Variants in LRIG1 observed in about 807,000 individuals in gnomAD.
LRIG1 encodes leucine rich repeats and immunoglobulin like domains 1.
A neutral mutation model predicts 99.2 loss-of-function variants in LRIG1; 48 were observed. The observed-to-expected ratio is 0.48, with a 90% CI of 0.38 to 0.62. The LOEUF is 0.62. LRIG1 is among the 20% of genes least tolerant of loss of function. The pLI, the probability that LRIG1 is intolerant of heterozygous loss-of-function variation, is 0.00. For missense variants in LRIG1, 1,646 were observed against 1,434.4 expected (o/e 1.15, Z -2.38); for synonymous variants, 772 against 596.1 (o/e 1.29, Z -4.30).
chr3:66,417,131 C>T lies in LRIG1; in HGVS notation c.501G>A (p.Glu167=), dbSNP rs368155932. 4 of 1,613,994 alleles carry T rather than the reference C, an allele frequency of 2.5e-6. No individual in the cohort carries two copies. The highest frequency in any genetic ancestry group is 2.5e-6 in the Non-Finnish European group (3 of 1,179,874). The change falls in exon 4 of 19, where the codon GAG becomes GAA. Residue 167 remains glutamate (E), a splice_region_variant and synonymous_variant. Transcript: ENST00000273261. ...TCFPHGPPIK[E]LNLAGNRIGT... is the part of the protein sequence containing the mutation. The stretch of plus-strand genomic sequence containing the variant: ...GGTGGCAGAACAGAGGCACTTACAG[C>T]TCCTTTATAGGCGGTCCGTGTGGAA...
chr3:66,407,249 C>G lies in LRIG1; in HGVS notation c.1079+99G>C, dbSNP rs1461798940. 7 of 1,325,586 alleles carry G rather than the reference C, an allele frequency of 5.3e-6. No homozygotes were observed. The Admixed American group carries it at 9.1e-5, about 17-fold the overall frequency. 82.1% of individuals were successfully genotyped at this position (1,325,586 alleles called of 1,614,324 possible). On this transcript the variant is annotated intron_variant, in intron 8 of 18. Transcript: ENST00000273261. Reference sequence around the variant, plus strand: ...GCCAGCTTTGGATCCAATTCTGACTCGAAGCCAACGCAAATGGAGTTCAAC... The same window carrying G: ...GCCAGCTTTGGATCCAATTCTGACTGGAAGCCAACGCAAATGGAGTTCAAC...
intron 4 of LRIG1, among the ~76,000 whole-genome samples, chr3:66,416,191 C>T (rs1028781388): frequency 7.2e-5 from 11 of 152,174 alleles, no homozygotes; most frequent in Admixed American, 7.2e-4. Context: ...AGTGGTGTCA[C>T]GTGGACACCT....
chr3:66,393,682 G>T (rs746026202), intron 12 of LRIG1, among the ~76,000 whole-genome samples: 1 of 152,200 alleles, frequency 6.6e-6, no homozygotes, highest in Non-Finnish European at 1.5e-5. Context: ...GGGTCGGAAA[G>T]AAACACACAT....
chr3:66,399,037 G>A lies in LRIG1; in HGVS notation c.1165C>T (p.Leu389=), dbSNP rs1467407908. ...ACAGACTTGATCTTGTTTCCAAACAGAGTCCTGTAGTTTCCAAACATCCAG... is the reference window on the plus strand; with the variant it reads ...ACAGACTTGATCTTGTTTCCAAACAAAGTCCTGTAGTTTCCAAACATCCAG... The part of the protein sequence containing the change: ...SGLDSLSKLT[L]FGNKIKSVAK... Residue 389 remains leucine (L), a synonymous_variant, in exon 10 of 19, where the codon CTG becomes TTG. Transcript: ENST00000273261. The A allele has an allele frequency of 3.1e-6, 5 of 1,613,884 alleles. No individual in the cohort carries two copies. Among genetic ancestry groups the A allele is most frequent in the African/African-American group, 2.7e-5 (2 of 75,048 alleles).
Position 66,386,286 on chromosome 3 carries a change from G to C in LRIG1, c.1484C>G (p.Pro495Arg). ...ESFVCDDFLK[P>R]QIITQPETTM... ...GGTTTCTGGCTGGGTGATGATCTGT[G>C]GCTTCAGGAAGTCATCTGGGGAGAG... The change falls in exon 13 of 19, where the codon CCA becomes CGA. Residue 495 changes from proline to arginine, a missense_variant. Pro to Arg is a moderately radical substitution (Grantham distance 103). Coordinates refer to ENST00000273261, the MANE Select transcript of LRIG1 (RefSeq NM_015541.3). 1 of 1,613,928 alleles carries C rather than the reference G, an allele frequency of 6.2e-7. No homozygotes were observed. The highest frequency in any genetic ancestry group is 1.1e-5 in the South Asian group (1 of 91,074).
At chr3:66,388,825 G>A (rs1701502387) in intron 12 of LRIG1, among the ~76,000 whole-genome samples, 1 of 152,168 alleles carries the variant, frequency 6.6e-6, no homozygotes, top group Admixed American at 6.5e-5. Context: ...AGAGCAAGTT[G>A]ACTGTTATCA....
chr3:66,441,051 C>T (rs1040877870), intron 3 of LRIG1, among the ~76,000 whole-genome samples: 11 of 152,178 alleles, frequency 7.2e-5, no homozygotes, highest in Non-Finnish European at 1.5e-4. Context: ...TACAAACTAA[C>T]GTCACAGCAG....
At chr3:66,433,158 T>C (rs1042250546) in intron 3 of LRIG1, among the ~76,000 whole-genome samples, 3 of 152,122 alleles carry the variant, frequency 2.0e-5, no homozygotes, top group African/African-American at 7.2e-5. Flanking sequence ...CAAAAGAAAC[T>C]TGTTCGCTCA....
At chr3:66,449,978 G>T (rs922020760) in intron 3 of LRIG1, among the ~76,000 whole-genome samples, 2 of 152,226 alleles carry the variant, frequency 1.3e-5, no homozygotes, top group African/African-American at 2.4e-5. Flanking sequence ...GATGGTCCAT[G>T]ACCTGTGCTT....
intron 13 of LRIG1, among the ~76,000 whole-genome samples, chr3:66,385,228 C>T (rs1192797082): frequency 6.6e-6 from 1 of 152,128 alleles, no homozygotes; most frequent in Non-Finnish European, 1.5e-5. Context: ...AACCTGTCAA[C>T]TGCCAGGACA....
intron 1 of LRIG1, 95 bp downstream of exon 1, chr3:66,500,095 A>C (rs867109171): frequency 1.0e-6 from 1 of 966,990 alleles, no homozygotes; most frequent in Non-Finnish European, 1.5e-6. Flanking sequence ...CACACAACCC[A>C]GTCCGCACCC....
intron 3 of LRIG1, among the ~76,000 whole-genome samples, chr3:66,439,408 T>G (rs1703467941): frequency 6.6e-6 from 1 of 152,252 alleles, no homozygotes; most frequent in African/African-American, 2.4e-5. Context: ...TCCAAAGTTC[T>G]ACTCTTTGCA....
chr3:66,406,967 A>G (rs947575087), intron 8 of LRIG1, among the ~76,000 whole-genome samples: 3 of 152,160 alleles, frequency 2.0e-5, no homozygotes, highest in Admixed American at 6.5e-5. Flanking sequence ...GCAGCTGAAG[A>G]CTCAAGATGG....
intron 2 of LRIG1, among the ~76,000 whole-genome samples, chr3:66,461,919 T>A (rs1437088854): frequency 6.6e-6 from 1 of 152,162 alleles, no homozygotes; most frequent in African/African-American, 2.4e-5. Flanking sequence ...CATCCTTCTA[T>A]AACTTCACTT....
chr3:66,493,536 T>C (rs1016851995), intron 1 of LRIG1, among the ~76,000 whole-genome samples: 1 of 152,176 alleles, frequency 6.6e-6, no homozygotes, highest in Non-Finnish European at 1.5e-5. Context: ...TTCATACATA[T>C]CACCAAAACT....
rs182044247 is a variant in LRIG1 at position 66,479,959 on chromosome 3, G to A, written c.219-17450C>T. 2.7e-3 allele frequency among the ~76,000 whole-genome samples: 404 copies of A among 152,224 alleles called. 1 individual carries two copies. Among genetic ancestry groups the A allele is most frequent in the Middle Eastern group, 0.01 (3 of 294 alleles). On this transcript the variant is annotated intron_variant, in intron 1 of 18. Coordinates refer to ENST00000273261, the MANE Select transcript of LRIG1 (RefSeq NM_015541.3). ...TAATTCCACTCCTCGGTATATGCCC[G>A]AGGTATATACTCAAGTGAAAATATA...
At chr3:66,422,578 T>C (rs1024240939) in intron 3 of LRIG1, among the ~76,000 whole-genome samples, 3 of 152,198 alleles carry the variant, frequency 2.0e-5, no homozygotes, top group African/African-American at 7.2e-5. Flanking sequence ...CATGTCACTA[T>C]CAGCATTCTT....
At position 66,381,338 on chromosome 3, in the gene LRIG1, G is replaced by A. The variant is rs948926036; in HGVS notation, c.2770+141C>T. The A allele has an allele frequency of 5.6e-6, 4 of 709,230 alleles. No homozygotes were observed. In the African/African-American group the frequency reaches 7.0e-5, roughly 12 times the overall value. 43.9% of individuals were successfully genotyped at this position (709,230 alleles called of 1,614,324 possible). On this transcript the variant is annotated intron_variant, in intron 17 of 18. Coordinates refer to ENST00000273261, the MANE Select transcript of LRIG1 (RefSeq NM_015541.3). The stretch of plus-strand genomic sequence containing the variant: ...TCCTGGAATTAAGAGAGCCAGGCCT[G>A]AGCTTCCCCTGTATATACTGAATAC...
chr3:66,468,386 T>A (rs1487240520), intron 1 of LRIG1, among the ~76,000 whole-genome samples: 1 of 152,144 alleles, frequency 6.6e-6, no homozygotes, highest in Middle Eastern at 3.2e-3. Context: ...AACAGAATAA[T>A]TCAAAGTGGA....
Sources: gnomAD v4.1 joint callset for allele counts (sites outside exome capture counted in the v4.1 genomes callset) on GRCh38, gnomAD v4.1.1 for gene constraint, MANE v1.5 for transcripts, NCBI Gene and HGNC (gene_info 2026-07-23, HGNC 2026-07-21) for gene names.